SORCS3: variants seen among roughly 807,000 people sequenced by gnomAD.
SORCS3 encodes the protein sortilin related VPS10 domain containing receptor 3.
A neutral mutation model predicts 146.3 loss-of-function variants in SORCS3; 57 were observed. The observed-to-expected ratio is 0.39, with a 90% confidence interval of 0.31 to 0.49. The LOEUF is 0.49. Ranked by LOEUF, SORCS3 falls within the 20% of genes least tolerant of loss-of-function variation. The pLI, the probability that SORCS3 is intolerant of heterozygous loss-of-function variation, is 0.92. For synonymous variants in SORCS3, 653 were observed against 618.5 expected, an observed-to-expected ratio of 1.06 and a Z score of -0.83; for missense variants, 1,341 against 1,575.5, an observed-to-expected ratio of 0.85 and a Z score of 2.52.
intron 5 of SORCS3, among the ~76,000 whole-genome samples, chr10:105,058,448 A>G (rs1205670831): frequency 2.6e-5 from 4 of 152,216 alleles, no homozygotes; most frequent in African/African-American, 9.6e-5. Context: ...GTTGGGTTAT[A>G]TGATTGTTTT....
chr10:105,022,663 T>C (rs992393555), intron 4 of SORCS3, among the ~76,000 whole-genome samples: 3 of 152,198 alleles, frequency 2.0e-5, no homozygotes, highest in Non-Finnish European at 1.5e-5. Flanking sequence ...AAATGACTTC[T>C]TAGAAATTTT....
intron 1 of SORCS3, among the ~76,000 whole-genome samples, chr10:104,717,061 G>A (rs1383287579): frequency 1.3e-5 from 2 of 152,202 alleles, no homozygotes; most frequent in Non-Finnish European, 2.9e-5. Flanking sequence ...GGCCAAGGCA[G>A]AAGAATATCT....
intron 8 of SORCS3, among the ~76,000 whole-genome samples, chr10:105,145,898 TG>T (rs35087264): frequency 0.21 from 31,866 of 152,034 alleles, 4,017 homozygotes; most frequent in Middle Eastern, 0.31. Flanking sequence ...CCAAATCAAA[TG>T]GGTTTACTCC....
intron 14 of SORCS3, among the ~76,000 whole-genome samples, chr10:105,198,506 T>C (rs765777627): frequency 6.6e-6 from 1 of 152,170 alleles, no homozygotes; most frequent in Non-Finnish European, 1.5e-5. Flanking sequence ...AGATTTAAAA[T>C]GGACTGACCG....
intron 13 of SORCS3, among the ~76,000 whole-genome samples, chr10:105,171,167 G>A (rs1589669846): frequency 6.6e-6 from 1 of 152,110 alleles, no homozygotes; most frequent in East Asian, 1.9e-4. Flanking sequence ...AAAAGCTGGG[G>A]AAACTTTAGC....
intron 2 of SORCS3, among the ~76,000 whole-genome samples, chr10:104,887,959 CGG>C (rs1212866137): frequency 3.0e-4 from 2 of 6,582 alleles, no homozygotes; most frequent in African/African-American, 1.4e-3. Context: ...ATGGTGGGGG[CGG>C]GGGGGCGGGG....
At chr10:104,966,172 G>A (rs1405867274) in intron 3 of SORCS3, among the ~76,000 whole-genome samples, 1 of 151,366 alleles carries the variant, frequency 6.6e-6, no homozygotes, top group Admixed American at 6.6e-5. Context: ...CCTGCCCCCA[G>A]CTGTGATAAT....
intron 5 of SORCS3, among the ~76,000 whole-genome samples, chr10:105,089,549 A>G (rs1441104880): frequency 6.6e-6 from 1 of 152,198 alleles, no homozygotes; most frequent in Non-Finnish European, 1.5e-5. Context: ...TCGTTGACTT[A>G]TTGACCATTC....
intron 1 of SORCS3, among the ~76,000 whole-genome samples, chr10:104,779,989 A>G (rs1484302988): frequency 6.6e-6 from 1 of 152,112 alleles, no homozygotes; most frequent in Non-Finnish European, 1.5e-5. Context: ...CATGTGAATT[A>G]GCCATGCACA....
In SORCS3 at chr10:104,981,413, A is replaced by G. The variant is rs139039036; in HGVS notation, c.954+3920A>G. On this transcript the variant is annotated intron_variant, in intron 4 of 26. Transcript: ENST00000369701. ...AAAGAAAAGCTACTCTCCTCCCTCC[A>G]TCTTAGAACAAAAGCTCTATAACTT... 7.5e-3 allele frequency among the ~76,000 whole-genome samples: 1,142 copies of G among 152,294 alleles called. 16 individuals carry two copies. Among genetic ancestry groups the G allele is most frequent in the African/African-American group, 0.026 (1,077 of 41,572 alleles).
At chr10:105,022,238 T>C (rs1387164743) in intron 4 of SORCS3, among the ~76,000 whole-genome samples, 1 of 152,074 alleles carries the variant, frequency 6.6e-6, no homozygotes, top group Non-Finnish European at 1.5e-5. Context: ...ATTTTACAAA[T>C]CTGTGGGGTG....
chr10:104,845,892 G>A (rs995512132), intron 2 of SORCS3, among the ~76,000 whole-genome samples: 10 of 152,168 alleles, frequency 6.6e-5, no homozygotes. Context: ...AGAGAATGGA[G>A]CCAGACGGGA....
chr10:104,707,058 C>T (rs75351705), intron 1 of SORCS3, among the ~76,000 whole-genome samples: 2,157 of 152,072 alleles, frequency 0.014, 45 homozygotes, highest in African/African-American at 0.045. Context: ...TCTGAGGCAT[C>T]GCATAGAGAC....
intron 1 of SORCS3, among the ~76,000 whole-genome samples, chr10:104,734,140 C>A (rs1261985869): frequency 6.6e-6 from 1 of 152,134 alleles, no homozygotes; most frequent in East Asian, 1.9e-4. Flanking sequence ...CAAAATTTGT[C>A]TACTTTTGTG....
intron 9 of SORCS3, among the ~76,000 whole-genome samples, chr10:105,153,959 A>G (rs1344453019): frequency 6.7e-6 from 1 of 149,224 alleles, no homozygotes; most frequent in East Asian, 2.0e-4. Context: ...AATCCCAGCC[A>G]CTCAGGAGGC....
intron 1 of SORCS3, among the ~76,000 whole-genome samples, chr10:104,776,906 C>T (rs1019264191): frequency 6.7e-6 from 1 of 149,048 alleles, no homozygotes; most frequent in Non-Finnish European, 1.5e-5. Context: ...CAAAGCCCCT[C>T]ATAGTTTTAC....
intron 2 of SORCS3, among the ~76,000 whole-genome samples, chr10:104,865,065 G>T (rs2018445237): frequency 2.0e-5 from 3 of 152,138 alleles, no homozygotes; most frequent in Admixed American, 6.5e-5. Context: ...AGTACCACTT[G>T]CAGCCATTTT....
intron 1 of SORCS3, among the ~76,000 whole-genome samples, chr10:104,648,955 T>C (rs1224510714): frequency 6.6e-6 from 1 of 152,148 alleles, no homozygotes; most frequent in Admixed American, 6.5e-5. Context: ...TCAGTAAAAC[T>C]GTGCCCTTGG....
At chr10:104,775,729 C>G (rs763278828) in intron 1 of SORCS3, among the ~76,000 whole-genome samples, 2 of 152,180 alleles carry the variant, frequency 1.3e-5, no homozygotes, top group African/African-American at 4.8e-5. Flanking sequence ...GACAGAACAT[C>G]ATTGGCATTT....
Sources: gnomAD v4.1 joint callset for allele counts (sites outside exome capture counted in the v4.1 genomes callset) on GRCh38, gnomAD v4.1.1 for gene constraint, MANE v1.5 for transcripts, NCBI Gene and HGNC (gene_info 2026-07-23, HGNC 2026-07-21) for gene names.